ESCO1: variants seen among roughly 807,000 people sequenced by gnomAD.
The protein encoded by ESCO1 is N-acetyltransferase ESCO1.
In ESCO1, 33 loss-of-function variants were observed where a neutral mutation model predicts 83.5. The ratio of observed to expected loss-of-function variants is 0.40; its 90% CI spans 0.30 to 0.53. ESCO1 has a LOEUF of 0.53. Ranked by LOEUF, ESCO1 falls within the 20% of genes least tolerant of loss-of-function variation. The probability of loss-of-function intolerance (pLI) is 0.63; values close to 1 mark genes in which losing one functional copy is unlikely to be tolerated. For missense variants in ESCO1, 855 were observed against 968.0 expected, an observed-to-expected ratio of 0.88 and a Z score of 1.55; for synonymous variants, 332 against 324.3, an observed-to-expected ratio of 1.02 and a Z score of -0.25.
At chr18:21,582,050 T>C (rs2038509995) in intron 2 of ESCO1, among the ~76,000 whole-genome samples, 2 of 152,088 alleles carry the variant, frequency 1.3e-5, no homozygotes, top group African/African-American at 2.4e-5. Flanking sequence ...ATTATGCCAC[T>C]ACACACCAGC....
Position 21,573,708 on chromosome 18 carries a change from T to C in ESCO1, c.1136A>G (p.Asn379Ser). ...RKTKPVKCIL[N>S]GINSSAKKNS... is the part of the protein sequence containing the mutation. ...CTTCTTGGCTGAGCTGTTTATTCCATTTAGTATACATTTCACAGGCTTTGT... is the reference window on the plus strand; with the variant it reads ...CTTCTTGGCTGAGCTGTTTATTCCACTTAGTATACATTTCACAGGCTTTGT... Residue 379 changes from asparagine to serine, a missense_variant, in exon 4 of 12, where the codon AAT becomes AGT. Transcript: ENST00000269214. The C allele has an allele frequency of 1.9e-6, 3 of 1,614,186 alleles. No individual in the cohort carries two copies. Among genetic ancestry groups the C allele is most frequent in the Non-Finnish European group, 1.7e-6 (2 of 1,180,026 alleles).
intron 8 of ESCO1, among the ~76,000 whole-genome samples, chr18:21,559,042 T>C (rs2038149043): frequency 6.6e-6 from 1 of 152,206 alleles, no homozygotes; most frequent in Non-Finnish European, 1.5e-5. Context: ...AGAACAGTGA[T>C]CATAGCAGAA....
intron 7 of ESCO1, among the ~76,000 whole-genome samples, chr18:21,562,040 A>G (rs1378043879): frequency 2.0e-5 from 3 of 151,470 alleles, no homozygotes; most frequent in Admixed American, 2.0e-4. Context: ...CAACATGCCC[A>G]GCTAATTTTT....
chr18:21,574,415 A>T lies in ESCO1; in HGVS notation c.429T>A (p.Gly143=), dbSNP rs111883799. ...RRSLRSREIQ[G]QVQAVKQSLP... is the part of the protein sequence containing the mutation. ...AACTCTGTTTAACTGCTTGAACTTG[A>T]CCCTGAATTTCTCTACTGCGTAACG... The change falls in exon 4 of 12, where the codon GGT becomes GGA. Residue 143 remains glycine (G), a synonymous_variant. Transcript: ENST00000269214. The T allele has an allele frequency of 1.5e-5, 24 of 1,614,084 alleles. No individual in the cohort carries two copies. The Admixed American group carries it at 3.0e-4, about 20-fold the overall frequency.
At chr18:21,593,050 G>A (rs868553970) in intron 1 of ESCO1, 224 of 159,428 alleles carry the variant, frequency 1.4e-3, no homozygotes, top group African/African-American at 5.2e-3. Flanking sequence ...GGGAAGAGGC[G>A]CTCCTCACTT....
chr18:21,570,434 CTTG>C (rs1258734329), intron 4 of ESCO1, among the ~76,000 whole-genome samples: 3 of 152,052 alleles, frequency 2.0e-5, no homozygotes, highest in Admixed American at 2.0e-4. Context: ...AAAAGATAAA[CTTG>C]TTGTATATTC....
intron 9 of ESCO1, among the ~76,000 whole-genome samples, chr18:21,539,189 CA>C (rs2037873550): frequency 6.6e-6 from 1 of 152,124 alleles, no homozygotes; most frequent in South Asian, 2.1e-4. Context: ...ACCTACTTAG[CA>C]ATCCCCTTCT....
chr18:21,553,186 A>C (rs1301224637), intron 8 of ESCO1, among the ~76,000 whole-genome samples: 2 of 152,172 alleles, frequency 1.3e-5, no homozygotes, highest in East Asian at 3.9e-4. Flanking sequence ...GCTACTAGGA[A>C]GGCTAAGATA....
At chr18:21,549,957 C>T (rs1176253136) in intron 8 of ESCO1, among the ~76,000 whole-genome samples, 1 of 148,156 alleles carries the variant, frequency 6.7e-6, no homozygotes, top group African/African-American at 2.5e-5. Flanking sequence ...ACAAAGACTC[C>T]ATCTCCAAAA....
At chr18:21,536,892 T>C (rs970188028) in intron 9 of ESCO1, among the ~76,000 whole-genome samples, 3 of 152,164 alleles carry the variant, frequency 2.0e-5, no homozygotes, top group African/African-American at 4.8e-5. Flanking sequence ...AAAGTGAGTA[T>C]AGAGAAAAGG....
intron 7 of ESCO1, among the ~76,000 whole-genome samples, chr18:21,561,913 C>CT (rs1383721210): frequency 9.2e-5 from 14 of 151,368 alleles, no homozygotes; most frequent in African/African-American, 3.4e-4. Context: ...GAGTCTTGCT[C>CT]TGTCACCGAG....
rs1037254831 is a variant in ESCO1 at position 21,532,630 on chromosome 18, C to G, written c.2218G>C (p.Val740Leu). The G allele has an allele frequency of 2.5e-6, 4 of 1,614,062 alleles. No homozygotes were observed. The highest frequency in any genetic ancestry group is 3.4e-6 in the Non-Finnish European group (4 of 1,179,982). Residue 740 changes from valine (V) to leucine (L), a missense_variant, in exon 11 of 12, where the codon GTT becomes CTT. Physicochemically the swap from Val to Leu is conservative, Grantham distance 32. Coordinates refer to ENST00000269214, the MANE Select transcript of ESCO1 (RefSeq NM_052911.3). ...GYRVIEEKLP[V>L]IRSEEEKVRF... ...ACTTTTTCTTCTTCTGACCTGATAA[C>G]TGGAAGTTTCTCTTCTATAACTCTG...
intron 4 of ESCO1, 58 bp downstream of exon 4, chr18:21,573,256 G>T: frequency 2.8e-6 from 4 of 1,421,200 alleles, no homozygotes; most frequent in Non-Finnish European, 3.8e-6. Flanking sequence ...ATGTTATAAA[G>T]ACATTTCTTA....
Position 21,560,889 on chromosome 18 carries a change from G to A in ESCO1, c.1923C>T (p.His641=), listed in dbSNP as rs371548704. The A allele has an allele frequency of 3.1e-6, 5 of 1,602,308 alleles. No individual in the cohort carries two copies. In the African/African-American group the frequency reaches 6.7e-5, roughly 22 times the overall value. ...PEDETQHLLF[H]NQFISAVKYV... is the part of the protein sequence containing the mutation. Reference sequence around the variant, plus strand: ...ATTTAACAGCACTTATAAACTGGTTGTGGAAAAGCAGATGCTGTGTTTCAT... The same window carrying A: ...ATTTAACAGCACTTATAAACTGGTTATGGAAAAGCAGATGCTGTGTTTCAT... Residue 641 remains histidine, a synonymous_variant, in exon 8 of 12, where the codon CAC becomes CAT. Transcript: ENST00000269214.
intron 7 of ESCO1, among the ~76,000 whole-genome samples, chr18:21,563,278 T>A (rs893470697): frequency 1.3e-5 from 2 of 152,178 alleles, no homozygotes; most frequent in African/African-American, 4.8e-5. Flanking sequence ...CAATTTGTTA[T>A]AAAACTAGAA....
Position 21,574,436 on chromosome 18 carries a change from T to C in ESCO1, c.408A>G (p.Leu136=), listed in dbSNP as rs1183610889. The stretch of plus-strand genomic sequence containing the variant: ...CTTGACCCTGAATTTCTCTACTGCG[T>C]AACGACCTTCTTGAAACCTCTGTTA... ...QQLTEVSRRS[L]RSREIQGQVQ... The change falls in exon 4 of 12, where the codon TTA becomes TTG. Residue 136 remains leucine, a synonymous_variant. Coordinates refer to ENST00000269214, the MANE Select transcript of ESCO1 (RefSeq NM_052911.3). The C allele has an allele frequency of 3.7e-6, 6 of 1,614,052 alleles. No homozygotes were observed. Among genetic ancestry groups the C allele is most frequent in the Non-Finnish European group, 4.2e-6 (5 of 1,180,040 alleles).
At chr18:21,571,152 C>T (rs1214925439) in intron 4 of ESCO1, among the ~76,000 whole-genome samples, 1 of 152,008 alleles carries the variant, frequency 6.6e-6, no homozygotes, top group African/African-American at 2.4e-5. Context: ...TCCAGAATTT[C>T]AAACCGTAAG....
Position 21,573,728 on chromosome 18 carries a change from CTT to C in ESCO1, c.1114_1115del (p.Lys372AlafsTer21). ...CNRFFPSRKT[K>X]PVKCILNGIN... is the part of the protein sequence containing the mutation. ...TTCCATTTAGTATACATTTCACAGG[CTT>C]TGTTTTTCTACTTGGGAAAAAACGA... On this transcript the variant is annotated frameshift_variant, in exon 4 of 12. Transcript: ENST00000269214. LOFTEE classifies it high-confidence loss of function. 1 of 1,614,126 alleles carries C rather than the reference CTT, an allele frequency of 6.2e-7. No homozygotes were observed. The highest frequency in any genetic ancestry group is 8.5e-7 in the Non-Finnish European group (1 of 1,180,012).
At chr18:21,586,313 A>C (rs2038575878) in intron 1 of ESCO1, among the ~76,000 whole-genome samples, 1 of 152,224 alleles carries the variant, frequency 6.6e-6, no homozygotes, top group African/African-American at 2.4e-5. Context: ...ATTTCACTGA[A>C]CATAATGTCT....
Sources: gnomAD v4.1 joint callset for allele counts (sites outside exome capture counted in the v4.1 genomes callset) on GRCh38, gnomAD v4.1.1 for gene constraint, MANE v1.5 for transcripts, NCBI Gene and HGNC (gene_info 2026-07-23, HGNC 2026-07-21) for gene names.